KIDINS220: variants seen among roughly 807,000 people sequenced by gnomAD.
KIDINS220 encodes kinase D interacting substrate 220, also known as kinase D-interacting substrate of 220 kDa.
Under a neutral mutation model 157.6 loss-of-function variants are expected in KIDINS220, and 63 were observed. That is an observed-to-expected ratio of 0.40 (90% CI 0.33 to 0.49). KIDINS220 has a LOEUF of 0.49. KIDINS220 is among the 20% of genes least tolerant of loss of function. The pLI, the probability that KIDINS220 is intolerant of heterozygous loss-of-function variation, is 0.66. For missense variants in KIDINS220, 1,772 were observed against 2,171.2 expected (o/e 0.82, Z 3.65); for synonymous variants, 732 against 783.6 (o/e 0.93, Z 1.10).
intron 2 of KIDINS220, among the ~76,000 whole-genome samples, chr2:8,820,502 T>TTATTG (rs910040316): frequency 4.6e-5 from 7 of 152,194 alleles, no homozygotes; most frequent in African/African-American, 1.7e-4. Flanking sequence ...ACAGATGCTA[T>TTATTG]TATAAGAATA....
Position 8,730,731 on chromosome 2 carries a change from T to C in KIDINS220, c.5305A>G (p.Ser1769Gly). 1 of 1,612,658 alleles carries C rather than the reference T, an allele frequency of 6.2e-7. No homozygotes were observed. ...TTTGCTTGTTTTTCTCAAAGAATGC[T>C]TTCTCTTTCTTCTCCAAAGCCTGTG... Reference protein sequence around the residue: ...ESTGFGEERESIL With the variant: ...ESTGFGEEREGIL The change falls in exon 30 of 30, where the codon AGC becomes GGC. Residue 1769 changes from serine (S) to glycine (G), a missense_variant. Physicochemically the swap from Ser to Gly is moderately conservative, Grantham distance 56. Around this residue, in one of 3 missense-constraint regions of KIDINS220, gnomAD observed 793 missense variants for 885.5 expected, o/e 0.90. Transcript: ENST00000256707.
At chr2:8,780,581 T>C (rs1212249030) in intron 17 of KIDINS220, among the ~76,000 whole-genome samples, 1 of 151,722 alleles carries the variant, frequency 6.6e-6, no homozygotes, top group Non-Finnish European at 1.5e-5. Flanking sequence ...GTACATATTA[T>C]GTATGCTTAT....
At chr2:8,827,657 C>T (rs1263013457) in intron 1 of KIDINS220, among the ~76,000 whole-genome samples, 24 of 152,062 alleles carry the variant, frequency 1.6e-4, no homozygotes. Context: ...TCCCTGCCTC[C>T]ACTTTACCTG....
intron 26 of KIDINS220, among the ~76,000 whole-genome samples, chr2:8,739,305 T>C (rs576171809): frequency 2.6e-5 from 4 of 152,308 alleles, no homozygotes; most frequent in East Asian, 1.9e-4. Flanking sequence ...GACAGACACA[T>C]AGGGACATTA....
At chr2:8,735,682 G>A (rs1243321352) in intron 27 of KIDINS220, among the ~76,000 whole-genome samples, 1 of 152,126 alleles carries the variant, frequency 6.6e-6, no homozygotes, top group Non-Finnish European at 1.5e-5. Context: ...ATTAACTGGG[G>A]CAAATTTATG....
chr2:8,800,247 G>A lies in KIDINS220; in HGVS notation c.900+153C>T, dbSNP rs954281174. 9.9e-6 allele frequency: 5 copies of A among 503,320 alleles called. No individual in the cohort carries two copies. The Admixed American group carries it at 1.4e-4, about 15-fold the overall frequency. 31.2% of individuals were successfully genotyped at this position (503,320 alleles called of 1,614,324 possible). Reference sequence around the variant, plus strand: ...ATTAATATAGAAATTTTACAATAATGGCAGTGAAACTTAGTAATAATATAC... The same window carrying A: ...ATTAATATAGAAATTTTACAATAATAGCAGTGAAACTTAGTAATAATATAC... On this transcript the variant is annotated intron_variant, in intron 9 of 29. Transcript: ENST00000256707.
rs1291058889 is a variant in KIDINS220, at chr2:8,806,404, A to T, written c.505-35T>A. On this transcript the variant is annotated intron_variant, in intron 6 of 29. Transcript: ENST00000256707. The stretch of plus-strand genomic sequence containing the variant: ...CAAACAATAAATTTAAAATTATTAT[A>T]AAAAGTATACTCAAAGAAACTAGCT... 3.7e-6 allele frequency: 5 copies of T among 1,360,834 alleles called. No homozygotes were observed. In the African/African-American group the frequency reaches 7.4e-5, roughly 20 times the overall value. 84.3% of individuals were successfully genotyped at this position (1,360,834 alleles called of 1,614,324 possible). A position where few individuals can be genotyped will look rare whatever the true frequency, so the allele number is the denominator to read the frequency against.
chr2:8,756,924 A>G (rs191407355), intron 22 of KIDINS220, among the ~76,000 whole-genome samples: 8 of 152,354 alleles, frequency 5.3e-5, no homozygotes, highest in Non-Finnish European at 1.2e-4. Flanking sequence ...GTCTTTCACC[A>G]CGGAGTACGA....
chr2:8,798,024 T>C (rs1189100673), intron 10 of KIDINS220, among the ~76,000 whole-genome samples, 178 bp downstream of exon 10: 1 of 152,242 alleles, frequency 6.6e-6, no homozygotes, highest in Non-Finnish European at 1.5e-5. Context: ...CAACACACTG[T>C]ATTTTGCTAT....
At chr2:8,765,186 G>T (rs1354197139) in intron 22 of KIDINS220, among the ~76,000 whole-genome samples, 1 of 152,142 alleles carries the variant, frequency 6.6e-6, no homozygotes, top group African/African-American at 2.4e-5. Context: ...GCAGAAACCT[G>T]GTGCCTGAAT....
Position 8,730,459 on chromosome 2 carries a change from G to T in KIDINS220, c.*261C>A. 1.6e-6 allele frequency: 2 copies of T among 1,272,932 alleles called. No homozygotes were observed. The highest frequency in any genetic ancestry group is 3.7e-5 in the Admixed American group (1 of 26,684). The allele number at this position is 1,272,932 out of a possible 1,614,324, so 78.9% of individuals were successfully genotyped here. A position where few individuals can be genotyped will look rare whatever the true frequency, so the allele number is the denominator to read the frequency against. The stretch of plus-strand genomic sequence containing the variant: ...CTCACCTCGTCTCAAAAAGTTTTAT[G>T]GGGTAATGCGCCAATGAAAGGTACA... On this transcript the variant is annotated 3_prime_UTR_variant, in exon 30 of 30. Transcript: ENST00000256707.
rs762604646 is a variant in KIDINS220, at chr2:8,730,940, A to G, written c.5096T>C (p.Phe1699Ser). 1.9e-6 allele frequency: 3 copies of G among 1,614,046 alleles called. No homozygotes were observed. In the Admixed American group the frequency reaches 5.0e-5, roughly 27 times the overall value. The change falls in exon 30 of 30, where the codon TTC becomes TCC. Residue 1699 changes from phenylalanine to serine, a missense_variant. Transcript: ENST00000256707. Reference protein sequence around the residue: ...SAPANRANQNFDEMEGIRETS... With the variant: ...SAPANRANQNSDEMEGIRETS... The stretch of plus-strand genomic sequence containing the variant: ...CTCCCTAATTCCCTCCATCTCATCG[A>G]AATTTTGATTGGCTCTGTTGGCTGG...
At chr2:8,794,937 A>G (rs1673700395) in intron 11 of KIDINS220, among the ~76,000 whole-genome samples, 1 of 152,200 alleles carries the variant, frequency 6.6e-6, no homozygotes, top group African/African-American at 2.4e-5. Context: ...CAGACTCACT[A>G]TATGTAAGGC....
At position 8,829,987 on chromosome 2, in the gene KIDINS220, G is replaced by A. The variant is rs777669375; in HGVS notation, c.-36-2858C>T. 3.9e-4 allele frequency among the ~76,000 whole-genome samples: 59 copies of A among 151,942 alleles called. 1 individual carries two copies. The highest frequency in any genetic ancestry group is 8.4e-4 in the African/African-American group (35 of 41,428). ...CTCAAATTCACCACACTCCCCCAGT[G>A]CTGCTCCACACTCCCGCCTATGCTC... On this transcript the variant is annotated intron_variant, in intron 1 of 29. Coordinates refer to ENST00000256707, the MANE Select transcript of KIDINS220 (RefSeq NM_020738.4).
At chr2:8,749,961 CA>C in intron 24 of KIDINS220, 150 bp downstream of exon 24, 2 of 615,856 alleles carry the variant, frequency 3.2e-6, no homozygotes, top group South Asian at 4.6e-5. Flanking sequence ...TTTTGATTTC[CA>C]AAAAGTCCTA....
At position 8,791,592 on chromosome 2, in the gene KIDINS220, A is replaced by G. The variant is rs1673203310; in HGVS notation, c.1277-368T>C. On this transcript the variant is annotated intron_variant, in intron 12 of 29. Coordinates refer to ENST00000256707, the MANE Select transcript of KIDINS220 (RefSeq NM_020738.4). The stretch of plus-strand genomic sequence containing the variant: ...TTCTTGTCCATCACTTACAAGACAC[A>G]TTCCAATTTCAGAGATGTTAAATTA... 2.0e-5 allele frequency among the ~76,000 whole-genome samples: 3 copies of G among 152,194 alleles called. No homozygotes were observed. In the South Asian group the frequency reaches 6.2e-4, roughly 31 times the overall value.
intron 22 of KIDINS220, among the ~76,000 whole-genome samples, chr2:8,763,947 G>C (rs1444645016): frequency 6.6e-6 from 1 of 152,208 alleles, no homozygotes; most frequent in African/African-American, 2.4e-5. Flanking sequence ...GCACATATAT[G>C]TTTATAGCAG....
intron 22 of KIDINS220, among the ~76,000 whole-genome samples, chr2:8,756,990 AG>A (rs1388332533): frequency 2.0e-5 from 3 of 152,228 alleles, no homozygotes; most frequent in South Asian, 2.1e-4. Flanking sequence ...TCTCAATGTC[AG>A]GCCTACATCC....
chr2:8,760,801 G>A (rs1668648153), intron 22 of KIDINS220, among the ~76,000 whole-genome samples: 2 of 152,080 alleles, frequency 1.3e-5, no homozygotes. Flanking sequence ...TTCATTTATT[G>A]GACTTTTGCA....
Sources: gnomAD v4.1 joint callset for allele counts (sites outside exome capture counted in the v4.1 genomes callset) on GRCh38, gnomAD v4.1.1 for gene constraint, gnomAD v4.1.1 regional missense constraint, MANE v1.5 for transcripts, NCBI Gene and HGNC (gene_info 2026-07-23, HGNC 2026-07-21) for gene names.